The following CNTNAP2 variants were observed in gnomAD, a reference collection of about 807,000 sequenced individuals.
CNTNAP2 encodes contactin associated protein 2.
A neutral mutation model predicts 155.2 loss-of-function variants in CNTNAP2; 98 were observed. That is an observed-to-expected ratio of 0.63 (90% CI 0.54 to 0.75). The LOEUF is 0.75. Ranked by LOEUF, CNTNAP2 falls within the 30% of genes least tolerant of loss-of-function variation. The pLI, the probability that CNTNAP2 is intolerant of heterozygous loss-of-function variation, is 0.00. For missense variants in CNTNAP2, 1,727 were observed against 1,688.1 expected (o/e 1.02, Z -0.40); for synonymous variants, 651 against 631.2 (o/e 1.03, Z -0.47).
intron 20 of CNTNAP2, among the ~76,000 whole-genome samples, chr7:148,248,008 A>G (rs1194955273): frequency 6.6e-6 from 1 of 151,932 alleles, no homozygotes; most frequent in Admixed American, 6.6e-5. Context: ...AAATTTACAC[A>G]CTTTAAATGT....
intron 13 of CNTNAP2, among the ~76,000 whole-genome samples, chr7:147,693,146 T>C (rs946394849): frequency 1.3e-5 from 2 of 152,068 alleles, no homozygotes; most frequent in African/African-American, 4.8e-5. Flanking sequence ...TTCGTCAAGA[T>C]CACTTGGCTA....
At chr7:148,163,993 G>A (rs937043093) in intron 17 of CNTNAP2, among the ~76,000 whole-genome samples, 6 of 152,140 alleles carry the variant, frequency 3.9e-5, no homozygotes, top group Admixed American at 2.6e-4. Flanking sequence ...GGAGTGCCGT[G>A]GCACAATCTC....
At chr7:147,513,986 A>T (rs1799068727) in intron 11 of CNTNAP2, among the ~76,000 whole-genome samples, 1 of 152,214 alleles carries the variant, frequency 6.6e-6, no homozygotes, top group Admixed American at 6.5e-5. Flanking sequence ...CTTTCACCAG[A>T]GGTAGAGAGC....
intron 22 of CNTNAP2, among the ~76,000 whole-genome samples, chr7:148,396,439 G>A (rs746670176): frequency 1.1e-4 from 17 of 152,140 alleles, no homozygotes; most frequent in East Asian, 1.9e-4. Flanking sequence ...TAAATTATCC[G>A]CCATCACTTC....
At chr7:148,384,262 G>A (rs1799139945) in intron 22 of CNTNAP2, among the ~76,000 whole-genome samples, 1 of 152,114 alleles carries the variant, frequency 6.6e-6, no homozygotes, top group African/African-American at 2.4e-5. Context: ...AATTTAAGAA[G>A]AGATTTACCT....
chr7:147,414,948 AAAAAAAAAAAAAAAAG>A (rs1797166751), intron 10 of CNTNAP2, among the ~76,000 whole-genome samples: 1 of 149,634 alleles, frequency 6.7e-6, no homozygotes, highest in South Asian at 2.1e-4. Context: ...TCTCAAAAAA[AAAAAAAAAAAAAAAAG>A]AAAAGAAAAA....
Position 147,549,510 on chromosome 7 carries a change from T to C in CNTNAP2, c.1778-12628T>C, listed in dbSNP as rs546990312. Among the ~76,000 whole-genome samples, 16 of 152,296 alleles carry C rather than the reference T, an allele frequency of 1.1e-4. 1 individual carries two copies. The highest frequency in any genetic ancestry group is 8.5e-4 in the Admixed American group (13 of 15,294). On this transcript the variant is annotated intron_variant, in intron 11 of 23. Coordinates refer to ENST00000361727, the MANE Select transcript of CNTNAP2 (RefSeq NM_014141.6). Reference sequence around the variant, plus strand: ...TCAAGATGTTTTGGGGCTGAGATGATGGGGTTTTCTAAATATAAAATCATG... The same window carrying C: ...TCAAGATGTTTTGGGGCTGAGATGACGGGGTTTTCTAAATATAAAATCATG...
intron 13 of CNTNAP2, among the ~76,000 whole-genome samples, chr7:147,726,837 A>G (rs887528370): frequency 7.2e-5 from 11 of 151,988 alleles, no homozygotes; most frequent in Non-Finnish European, 1.5e-4. Context: ...AATCGGTCAG[A>G]CTTGCTTCAG....
intron 8 of CNTNAP2, among the ~76,000 whole-genome samples, chr7:147,202,808 G>A (rs1219998053): frequency 6.6e-6 from 1 of 151,626 alleles, no homozygotes; most frequent in East Asian, 1.9e-4. Flanking sequence ...GGGGTAGGGG[G>A]CTGGGGTAGT....
intron 23 of CNTNAP2, among the ~76,000 whole-genome samples, chr7:148,411,380 T>C (rs6464886): frequency 0.57 from 87,117 of 151,690 alleles, 25,691 homozygotes; most frequent in African/African-American, 0.66. Context: ...ATTCTCCTGC[T>C]TCAGCCTCCT....
chr7:148,063,224 T>G (rs538984050), intron 15 of CNTNAP2, among the ~76,000 whole-genome samples: 4 of 152,252 alleles, frequency 2.6e-5, no homozygotes, highest in African/African-American at 9.6e-5. Context: ...CATTGATATG[T>G]TTGCTCCTTT....
At chr7:147,906,806 A>G (rs570218064) in intron 14 of CNTNAP2, among the ~76,000 whole-genome samples, 28 of 152,232 alleles carry the variant, frequency 1.8e-4, no homozygotes, top group Middle Eastern at 6.8e-3. Flanking sequence ...AAGCCATTTC[A>G]AAGAACATGT....
intron 10 of CNTNAP2, among the ~76,000 whole-genome samples, chr7:147,471,786 G>A (rs773727237): frequency 2.0e-5 from 3 of 152,110 alleles, no homozygotes; most frequent in Non-Finnish European, 4.4e-5. Context: ...GAAATTACAG[G>A]TCAGTGAATA....
At chr7:148,032,112 C>T (rs1425360664) in intron 15 of CNTNAP2, among the ~76,000 whole-genome samples, 1 of 152,148 alleles carries the variant, frequency 6.6e-6, no homozygotes, top group Non-Finnish European at 1.5e-5. Context: ...AAACATCTAA[C>T]TTAATGCTAG....
chr7:147,004,908 A>G (rs1798498273), intron 3 of CNTNAP2, among the ~76,000 whole-genome samples: 1 of 152,098 alleles, frequency 6.6e-6, no homozygotes, highest in African/African-American at 2.4e-5. Flanking sequence ...GTAAAAACAA[A>G]TTGTTGAGAG....
At chr7:148,110,199 A>G (rs12535262) in intron 15 of CNTNAP2, among the ~76,000 whole-genome samples, 6,592 of 152,160 alleles carry the variant, frequency 0.043, 231 homozygotes, top group Admixed American at 0.11. Context: ...GTGCTGAAAC[A>G]GTTGTTATGG....
intron 13 of CNTNAP2, among the ~76,000 whole-genome samples, chr7:147,892,447 G>C (rs1375247976): frequency 6.6e-6 from 1 of 152,182 alleles, no homozygotes; most frequent in African/African-American, 2.4e-5. Context: ...TGGAGACCAT[G>C]GTGTAAAGGA....
intron 12 of CNTNAP2, among the ~76,000 whole-genome samples, chr7:147,606,131 C>T (rs1008756710): frequency 6.6e-6 from 1 of 152,044 alleles, no homozygotes; most frequent in African/African-American, 2.4e-5. Context: ...CTTTTTCTAG[C>T]ACAATTCAAA....
intron 13 of CNTNAP2, among the ~76,000 whole-genome samples, chr7:147,691,344 T>A (rs1292947037): frequency 1.3e-5 from 2 of 152,178 alleles, no homozygotes; most frequent in African/African-American, 2.4e-5. Flanking sequence ...AAACCCTGAT[T>A]TGCAGCATTT....
Sources: allele counts gnomAD v4.1 joint callset (sites outside exome capture counted in the v4.1 genomes callset), GRCh38; gene constraint gnomAD v4.1.1; transcripts MANE v1.5; gene names NCBI Gene and HGNC (gene_info 2026-07-23, HGNC 2026-07-21).